MICAL2: variants seen among roughly 807,000 people sequenced by gnomAD.
MICAL2 encodes the protein [F-actin]-monooxygenase MICAL2.
Under a neutral mutation model 127.3 loss-of-function variants are expected in MICAL2, and 77 were observed. The observed-to-expected ratio is 0.60, with a 90% CI of 0.50 to 0.73. The LOEUF is 0.73. Ranked by LOEUF, MICAL2 falls within the 30% of genes least tolerant of loss-of-function variation. The pLI is 0.00. For missense variants in MICAL2, 1,351 were observed against 1,434.4 expected (o/e 0.94, Z 0.94); for synonymous variants, 570 against 551.1 (o/e 1.03, Z -0.48).
At chr11:12,247,773 T>C (rs1469242769) in intron 21 of MICAL2, among the ~76,000 whole-genome samples, 2 of 152,244 alleles carry the variant, frequency 1.3e-5, no homozygotes, top group Non-Finnish European at 2.9e-5. Context: ...AAGTAGGTGA[T>C]GATTTGGTGA....
chr11:12,203,478 T>G (rs938915871), intron 3 of MICAL2, among the ~76,000 whole-genome samples: 1 of 152,254 alleles, frequency 6.6e-6, no homozygotes, highest in African/African-American at 2.4e-5. Context: ...GATTTCTCCC[T>G]GTGGCTTTAA....
chr11:12,170,193 T>C (rs1484022334), intron 3 of MICAL2, among the ~76,000 whole-genome samples: 1 of 152,196 alleles, frequency 6.6e-6, no homozygotes, highest in Non-Finnish European at 1.5e-5. Context: ...CTCACTCCTA[T>C]AACCCCAGCA....
At chr11:12,317,288 G>T (rs540232548) in intron 29 of MICAL2, among the ~76,000 whole-genome samples, 1 of 152,164 alleles carries the variant, frequency 6.6e-6, no homozygotes, top group Non-Finnish European at 1.5e-5. Context: ...TAGGCAGAAA[G>T]TTACTGTGAT....
chr11:12,158,336 A>G lies in MICAL2; in HGVS notation c.-77-3743A>G, dbSNP rs1470037803. Among the ~76,000 whole-genome samples, 4 of 152,160 alleles carry G rather than the reference A, an allele frequency of 2.6e-5. No homozygotes were observed. In the East Asian group the frequency reaches 7.7e-4, roughly 29 times the overall value. ...GATGTTTCTTTTGCCCTTCCTTTTG[A>G]TATGATGATGTTTGGGCTGTTTGAA... is the stretch of plus-strand genomic sequence containing the variant. On this transcript the variant is annotated intron_variant, in intron 2 of 27. Transcript: ENST00000683283.
chr11:12,174,426 C>T (rs193301202), intron 3 of MICAL2, among the ~76,000 whole-genome samples: 237 of 143,368 alleles, frequency 1.7e-3, no homozygotes, highest in African/African-American at 5.6e-3. Flanking sequence ...TTAGGTACCT[C>T]GTTTAAGTGG....
chr11:12,204,345 C>A lies in MICAL2; in HGVS notation c.360C>A (p.Ser120=). 6.2e-7 allele frequency: 1 copy of A among 1,614,128 alleles called. No homozygotes were observed. The highest frequency in any genetic ancestry group is 8.5e-7 in the Non-Finnish European group (1 of 1,179,986). Residue 120 remains serine (S), a synonymous_variant, in exon 4 of 28, where the codon TCC becomes TCA. Transcript: ENST00000683283. ...TGGTCGTGGTGGAGAAGAGGGACTCCTTCTCCCGGAACAACGTGCTACACC... is the reference window on the plus strand; with the variant it reads ...TGGTCGTGGTGGAGAAGAGGGACTCATTCTCCCGGAACAACGTGCTACACC... ...AKVVVVEKRD[S]FSRNNVLHLW...
chr11:12,180,770 T>TATC (rs1554968339), intron 3 of MICAL2, among the ~76,000 whole-genome samples: 13 of 150,590 alleles, frequency 8.6e-5, no homozygotes, highest in Admixed American at 3.3e-4. Flanking sequence ...GTCCTAGACT[T>TATC]TAGTTGCTCA....
chr11:12,236,320 G>A (rs1295990905), intron 16 of MICAL2, 75 bp downstream of exon 16: 16 of 1,343,630 alleles, frequency 1.2e-5, no homozygotes, highest in Non-Finnish European at 1.6e-5. Context: ...CCTCACTGTG[G>A]TAGCAGCCTG....
In MICAL2 at chr11:12,239,288, G is replaced by T. The variant is rs1199322375; in HGVS notation, c.2065-148G>T. The T allele has an allele frequency of 7.3e-5, 73 of 999,028 alleles. 1 individual carries two copies. The South Asian group carries it at 9.1e-4, about 12-fold the overall frequency. The allele number at this position is 999,028 out of a possible 1,614,324, so 61.9% of individuals were successfully genotyped here. ...TCCTGTGAGCATTGCCTCTGCGGGG[G>T]TGGCCCTGCTGCCTCTGCCTCCCTT... is the stretch of plus-strand genomic sequence containing the variant. On this transcript the variant is annotated intron_variant, in intron 16 of 27. Coordinates refer to ENST00000683283, the MANE Select transcript of MICAL2 (RefSeq NM_001282663.2).
intron 2 of MICAL2, among the ~76,000 whole-genome samples, chr11:12,142,939 T>C (rs890097785): frequency 1.3e-5 from 2 of 152,138 alleles, no homozygotes; most frequent in Non-Finnish European, 2.9e-5. Flanking sequence ...GCGTCAAACA[T>C]TTATCATGGG....
chr11:12,334,499 G>A lies in MICAL2; in HGVS notation c.5515+7233G>A, dbSNP rs911848274. 4.0e-5 allele frequency among the ~76,000 whole-genome samples: 6 copies of A among 150,830 alleles called. No homozygotes were observed. The East Asian group carries it at 5.9e-4, about 15-fold the overall frequency. ...AAGTTTTAGGGTACATGTGCGCAACGTGCAGGTTAGTTACATATGTATACA... is the reference window on the plus strand; with the variant it reads ...AAGTTTTAGGGTACATGTGCGCAACATGCAGGTTAGTTACATATGTATACA... On this transcript the variant is annotated intron_variant, in intron 32 of 34. Coordinates refer to the MICAL2 transcript ENST00000646065.
intron 3 of MICAL2, chr11:12,197,425 G>A (rs11022248): frequency 0.1 from 15,305 of 152,242 alleles, 836 homozygotes; most frequent in Admixed American, 0.15. Flanking sequence ...GGCAATAAGC[G>A]GTAGCTTTGT....
At chr11:12,247,181 T>C (rs1374604939) in intron 21 of MICAL2, among the ~76,000 whole-genome samples, 1 of 152,094 alleles carries the variant, frequency 6.6e-6, no homozygotes, top group Non-Finnish European at 1.5e-5. Flanking sequence ...ATGGAGGCCT[T>C]GTCAGAGGCC....
chr11:12,137,946 C>G (rs948847482), intron 1 of MICAL2, among the ~76,000 whole-genome samples: 46 of 152,152 alleles, frequency 3.0e-4, no homozygotes, highest in African/African-American at 1.0e-3. Flanking sequence ...TCATAACTCC[C>G]TAGTTTACTC....
chr11:12,149,024 A>G (rs1853277630), intron 2 of MICAL2, among the ~76,000 whole-genome samples: 1 of 152,152 alleles, frequency 6.6e-6, no homozygotes. Context: ...GGGTTTGGTG[A>G]CCAGTCTGCC....
intron 4 of MICAL2, among the ~76,000 whole-genome samples, chr11:12,205,676 T>C (rs985840215): frequency 2.6e-5 from 4 of 152,202 alleles, no homozygotes; most frequent in Non-Finnish European, 4.4e-5. Context: ...AGCCTCAGTT[T>C]TATCTCCTGT....
rs1862447400 is a variant in MICAL2, at chr11:12,257,192, A to C, written c.3142+221A>C. On this transcript the variant is annotated intron_variant, in intron 24 of 27. Coordinates refer to ENST00000683283, the MANE Select transcript of MICAL2 (RefSeq NM_001282663.2). ...GGTAGCATCAGCACTGTGGTACGGC[A>C]TACCAGGTCCTGGTGGGCACCTGTG... is the stretch of plus-strand genomic sequence containing the variant. 1.0e-5 allele frequency: 5 copies of C among 494,740 alleles called. No individual in the cohort carries two copies. The South Asian group carries it at 1.8e-4, about 18-fold the overall frequency. 30.6% of individuals were successfully genotyped at this position (494,740 alleles called of 1,614,324 possible).
downstream of MICAL2, chr11:12,293,468 C>A: frequency 6.9e-7 from 1 of 1,442,676 alleles, no homozygotes; most frequent in Non-Finnish European, 9.3e-7. Context: ...GAAGAAAAAA[C>A]AGGGAGGGGG....
At chr11:12,355,195 T>G (rs907210700) in intron 34 of MICAL2, among the ~76,000 whole-genome samples, 1 of 152,136 alleles carries the variant, frequency 6.6e-6, no homozygotes, top group Non-Finnish European at 1.5e-5. Context: ...CCTCTAGGAG[T>G]TTGTGGTCTC....
Sources: allele counts gnomAD v4.1 joint callset (sites outside exome capture counted in the v4.1 genomes callset), GRCh38; gene constraint gnomAD v4.1.1; transcripts MANE v1.5; gene names NCBI Gene and HGNC (gene_info 2026-07-23, HGNC 2026-07-21).